The following DLG2 variants were observed in gnomAD, a reference collection of about 807,000 sequenced individuals.
DLG2 encodes the protein disks large homolog 2.
DLG2 carries 45 observed loss-of-function variants against 132.5 expected under a neutral mutation model. The observed-to-expected ratio is 0.34, with a 90% CI of 0.27 to 0.44. DLG2 has a LOEUF of 0.44. DLG2 is among the 20% of genes least tolerant of loss of function. DLG2 has a pLI of 1.00. For synonymous variants in DLG2, 424 were observed against 419.6 expected, an observed-to-expected ratio of 1.01 and a Z score of -0.13; for missense variants, 1,045 against 1,196.9, an observed-to-expected ratio of 0.87 and a Z score of 1.87.
In DLG2 at chr11:84,785,840, A is replaced by C. The variant is rs903017042; in HGVS notation, c.358-251109T>G. Reference sequence around the variant, plus strand: ...AGCTGGTAGGCTTTCGAGTCCTTTTATGATGACACTCCATATCTTGGTGGA... The same window carrying C: ...AGCTGGTAGGCTTTCGAGTCCTTTTCTGATGACACTCCATATCTTGGTGGA... On this transcript the variant is annotated intron_variant, in intron 6 of 27. Transcript: ENST00000376104. 8.5e-5 allele frequency among the ~76,000 whole-genome samples: 13 copies of C among 152,110 alleles called. No homozygotes were observed. The East Asian group carries it at 2.5e-3, about 29-fold the overall frequency.
intron 22 of DLG2, among the ~76,000 whole-genome samples, chr11:83,474,718 TGA>T (rs1170698831): frequency 6.6e-6 from 1 of 152,110 alleles, no homozygotes; most frequent in Non-Finnish European, 1.5e-5. Flanking sequence ...GGAAACAGGA[TGA>T]GTGATGAGGC....
intron 6 of DLG2, among the ~76,000 whole-genome samples, chr11:85,073,588 G>C (rs2066150169): frequency 6.6e-6 from 1 of 151,760 alleles, no homozygotes; most frequent in East Asian, 1.9e-4. Context: ...TGTAAATCTA[G>C]TTGAAGTTGT....
chr11:83,698,088 C>T (rs2082239388), intron 18 of DLG2, among the ~76,000 whole-genome samples: 1 of 152,140 alleles, frequency 6.6e-6, no homozygotes. Context: ...GCATCAATGC[C>T]ATCTGTAAAT....
intron 18 of DLG2, among the ~76,000 whole-genome samples, chr11:83,739,132 C>T (rs542584136): frequency 9.2e-5 from 14 of 152,008 alleles, no homozygotes; most frequent in African/African-American, 3.4e-4. Context: ...TCACTGTGCC[C>T]CCATTTGAAT....
intron 6 of DLG2, among the ~76,000 whole-genome samples, chr11:84,710,997 C>CAT (rs201024808): frequency 0.021 from 1,973 of 95,812 alleles, 19 homozygotes; most frequent in African/African-American, 0.044. Context: ...CAAGTACATT[C>CAT]ATATATATAT....
At chr11:83,904,437 T>C (rs1482688565) in intron 15 of DLG2, among the ~76,000 whole-genome samples, 1 of 152,204 alleles carries the variant, frequency 6.6e-6, no homozygotes, top group Non-Finnish European at 1.5e-5. Context: ...TGTAAAATTT[T>C]ACAAATACTT....
At chr11:84,220,780 CTTTTTTTTTTTT>C (rs5793114) in intron 8 of DLG2, among the ~76,000 whole-genome samples, 7 of 77,542 alleles carry the variant, frequency 9.0e-5, no homozygotes, top group African/African-American at 2.9e-4. Context: ...TTTTTCTTTT[CTTTTTTTTTTTT>C]TTTTTTTTTG....
chr11:84,176,808 T>C (rs965196713), intron 8 of DLG2, among the ~76,000 whole-genome samples: 11 of 152,130 alleles, frequency 7.2e-5, no homozygotes, highest in African/African-American at 2.7e-4. Flanking sequence ...GGGACGCTGA[T>C]AGGATAAGTT....
At chr11:85,250,324 T>C (rs1042579833) in intron 4 of DLG2, among the ~76,000 whole-genome samples, 1 of 152,208 alleles carries the variant, frequency 6.6e-6, no homozygotes, top group Non-Finnish European at 1.5e-5. Flanking sequence ...GTCTATTTGC[T>C]ATGTCACCCA....
chr11:83,825,171 A>ATTTTTTTT (rs10566177), intron 17 of DLG2, among the ~76,000 whole-genome samples: 2 of 72,606 alleles, frequency 2.8e-5, no homozygotes, highest in Non-Finnish European at 5.2e-5. Context: ...ATATATATAT[A>ATTTTTTTT]TTTTTTTTTT....
intron 15 of DLG2, among the ~76,000 whole-genome samples, chr11:83,884,762 G>T (rs574795883): frequency 3.3e-5 from 5 of 152,156 alleles, no homozygotes; most frequent in African/African-American, 4.8e-5. Context: ...CCAGAGGAAC[G>T]ATCAGACATC....
chr11:84,501,606 G>C (rs915597703), intron 7 of DLG2, among the ~76,000 whole-genome samples: 1 of 152,062 alleles, frequency 6.6e-6, no homozygotes, highest in African/African-American at 2.4e-5. Flanking sequence ...TATGGAATTA[G>C]AATACAAATA....
chr11:83,819,017 G>A (rs1051293819), intron 17 of DLG2, among the ~76,000 whole-genome samples: 8 of 152,132 alleles, frequency 5.3e-5, no homozygotes, highest in East Asian at 1.9e-4. Flanking sequence ...AGGAACACTT[G>A]CTTGCCTTTA....
intron 18 of DLG2, among the ~76,000 whole-genome samples, chr11:83,655,674 A>G (rs549000869): frequency 2.0e-5 from 3 of 152,330 alleles, no homozygotes; most frequent in South Asian, 4.1e-4. Flanking sequence ...CCTTTAAAGA[A>G]AAGGGAAATT....
Position 83,508,403 on chromosome 11 carries a change from A to ATTTTTTTTTTTTTTTT in DLG2, c.2194-24191_2194-24176dup, listed in dbSNP as rs746968613. Among the ~76,000 whole-genome samples the ATTTTTTTTTTTTTTTT allele has an allele frequency of 8.0e-4, 64 of 80,196 alleles. 6 individuals carry two copies. The highest frequency in any genetic ancestry group is 3.3e-3 in the South Asian group (7 of 2,100). 52.6% of individuals were successfully genotyped at this position (80,196 alleles called of 152,430 possible). A position where few individuals can be genotyped will look rare whatever the true frequency, so the allele number is the denominator to read the frequency against. ...AGGTGCACACCACCACGCCTGGCTA[A>ATTTTTTTTTTTTTTTT]TTTTTTTTTTTTTTTTTTTTTTAGT... On this transcript the variant is annotated intron_variant, in intron 21 of 27. Transcript: ENST00000376104.
At chr11:84,936,253 CT>C (rs2048732311) in intron 6 of DLG2, among the ~76,000 whole-genome samples, 1 of 151,956 alleles carries the variant, frequency 6.6e-6, no homozygotes, top group Non-Finnish European at 1.5e-5. Context: ...GTTATATAAA[CT>C]TTTACTATAA....
intron 3 of DLG2, among the ~76,000 whole-genome samples, chr11:85,318,430 T>C (rs2080835202): frequency 6.6e-6 from 1 of 151,656 alleles, no homozygotes; most frequent in Admixed American, 6.6e-5. Context: ...TTGACAACAT[T>C]AATGAGTAGA....
intron 6 of DLG2, among the ~76,000 whole-genome samples, chr11:84,776,116 A>T (rs1393297796): frequency 6.6e-6 from 1 of 151,940 alleles, no homozygotes; most frequent in Non-Finnish European, 1.5e-5. Context: ...CTTTTTGTTT[A>T]TTGAGGTACA....
chr11:84,086,769 C>T (rs2096989729), intron 10 of DLG2, among the ~76,000 whole-genome samples: 1 of 152,142 alleles, frequency 6.6e-6, no homozygotes, highest in Admixed American at 6.6e-5. Context: ...GGACTGCAGA[C>T]ATAAGTCATG....
Sources: gnomAD v4.1 joint callset for allele counts (sites outside exome capture counted in the v4.1 genomes callset) on GRCh38, gnomAD v4.1.1 for gene constraint, MANE v1.5 for transcripts, NCBI Gene and HGNC (gene_info 2026-07-23, HGNC 2026-07-21) for gene names.